Variants in ETV1 observed in about 807,000 individuals in gnomAD.
The protein encoded by ETV1 is ETS translocation variant 1.
A neutral mutation model predicts 62.3 loss-of-function variants in ETV1; 27 were observed. That is an observed-to-expected ratio of 0.43 (90% CI 0.32 to 0.60). The LOEUF is 0.60. ETV1 is among the 20% of genes least tolerant of loss of function. The pLI is 0.06. For missense variants in ETV1, 605 were observed against 605.8 expected, an observed-to-expected ratio of 1.00 and a Z score of 0.01; for synonymous variants, 222 against 199.6, an observed-to-expected ratio of 1.11 and a Z score of -0.94.
At chr7:13,902,665 G>C (rs757367596) in intron 12 of ETV1, among the ~76,000 whole-genome samples, 1 of 152,104 alleles carries the variant, frequency 6.6e-6, no homozygotes, top group African/African-American at 2.4e-5. Flanking sequence ...TGAAAATAAA[G>C]TATTAGTATC....
intron 4 of ETV1, among the ~76,000 whole-genome samples, chr7:13,987,664 T>G (rs1472006368): frequency 6.6e-6 from 1 of 151,936 alleles, no homozygotes; most frequent in African/African-American, 2.4e-5. Flanking sequence ...GTAAAGGAGG[T>G]GGGAAACCAA....
chr7:13,914,866 C>T (rs904121213), intron 9 of ETV1, among the ~76,000 whole-genome samples: 4 of 152,106 alleles, frequency 2.6e-5, no homozygotes, highest in South Asian at 2.1e-4. Context: ...CATCAGGCCA[C>T]GGCAAAGAGA....
chr7:13,964,782 A>C (rs1242061557), intron 6 of ETV1, among the ~76,000 whole-genome samples: 1 of 152,112 alleles, frequency 6.6e-6, no homozygotes, highest in African/African-American at 2.4e-5. Flanking sequence ...AAAATCACTA[A>C]TGAGTGAAAG....
In ETV1 at chr7:13,931,589, T is replaced by C. The variant is rs761207813; in HGVS notation, c.715A>G (p.Asn239Asp). 4.0e-5 allele frequency: 64 copies of C among 1,613,962 alleles called. No homozygotes were observed. The Admixed American group carries it at 4.7e-4, about 12-fold the overall frequency. Residue 239 changes from asparagine (N) to aspartate (D), a missense_variant, in exon 9 of 14, where the codon AAC becomes GAC. Coordinates refer to ENST00000430479, the MANE Select transcript of ETV1 (RefSeq NM_004956.5). ...QEYHDPVYEHNTMVGSAASQS... is the reference protein window; with the variant it reads ...QEYHDPVYEHDTMVGSAASQS... The stretch of plus-strand genomic sequence containing the variant: ...CTGGCCGCACTGCCAACCATGGTGT[T>C]GTGTTCATACACTGGGTCGTGGTAC...
intron 6 of ETV1, among the ~76,000 whole-genome samples, chr7:13,970,578 G>T (rs186079041): frequency 6.6e-6 from 1 of 152,216 alleles, no homozygotes; most frequent in Non-Finnish European, 1.5e-5. Context: ...CTTTCAGTGT[G>T]TGCTCTCATT....
At chr7:13,976,731 C>A (rs764151820) in intron 6 of ETV1, among the ~76,000 whole-genome samples, 1 of 152,142 alleles carries the variant, frequency 6.6e-6, no homozygotes, top group African/African-American at 2.4e-5. Context: ...AAGGCAACCA[C>A]GTTTGTACAG....
At chr7:13,899,966 T>C (rs1412607878) in intron 13 of ETV1, among the ~76,000 whole-genome samples, 1 of 152,126 alleles carries the variant, frequency 6.6e-6, no homozygotes, top group East Asian at 1.9e-4. Context: ...CCATCTCTTC[T>C]AAGAACACAA....
chr7:13,946,192 A>G (rs1788141577), intron 6 of ETV1, among the ~76,000 whole-genome samples: 1 of 152,226 alleles, frequency 6.6e-6, no homozygotes, highest in Admixed American at 6.5e-5. Context: ...ATTTATCTAG[A>G]AAATCTGCAG....
chr7:13,947,886 C>T (rs1436525780), intron 6 of ETV1, among the ~76,000 whole-genome samples: 1 of 152,072 alleles, frequency 6.6e-6, no homozygotes, highest in Non-Finnish European at 1.5e-5. Flanking sequence ...TCATGGAAGT[C>T]CAATTAGAGC....
intron 6 of ETV1, among the ~76,000 whole-genome samples, chr7:13,968,664 T>TA: frequency 6.6e-6 from 1 of 152,052 alleles, no homozygotes; most frequent in Middle Eastern, 3.4e-3. Flanking sequence ...CCCCATGAAT[T>TA]ACGTTTTTTT....
intron 6 of ETV1, among the ~76,000 whole-genome samples, chr7:13,959,815 A>G (rs1008734873): frequency 6.9e-6 from 1 of 145,154 alleles, no homozygotes; most frequent in African/African-American, 2.5e-5. Context: ...CCTGGGAGGC[A>G]GAGGTTACAG....
chr7:13,987,439 C>T (rs1212502214), intron 4 of ETV1, among the ~76,000 whole-genome samples: 1 of 152,138 alleles, frequency 6.6e-6, no homozygotes, highest in Non-Finnish European at 1.5e-5. Context: ...TGAATGTCCT[C>T]ATATGGCTAA....
chr7:13,952,202 A>G (rs371673295), intron 6 of ETV1, among the ~76,000 whole-genome samples: 4 of 152,300 alleles, frequency 2.6e-5, no homozygotes, highest in African/African-American at 7.2e-5. Flanking sequence ...CTGCATAATC[A>G]TGGACTAACT....
intron 5 of ETV1, among the ~76,000 whole-genome samples, chr7:13,978,951 C>T (rs59565101): frequency 6.6e-6 from 1 of 151,996 alleles, no homozygotes. Context: ...TGCACTCTAC[C>T]CCCGCTACCA....
chr7:13,935,615 C>T (rs1375486435), intron 8 of ETV1, 93 bp downstream of exon 8: 25 of 1,073,128 alleles, frequency 2.3e-5, no homozygotes, highest in Non-Finnish European at 3.3e-5. Flanking sequence ...ATAGGCTCAC[C>T]TTAAATCTAC....
chr7:13,907,793 C>T, intron 11 of ETV1: 1 of 468,440 alleles, frequency 2.1e-6, no homozygotes. Flanking sequence ...TAAAACTTAC[C>T]TATGGTCAGT....
At chr7:13,917,675 A>C (rs1281167311) in intron 9 of ETV1, among the ~76,000 whole-genome samples, 1 of 151,444 alleles carries the variant, frequency 6.6e-6, no homozygotes, top group Non-Finnish European at 1.5e-5. Flanking sequence ...GTTTAAAAGA[A>C]AATATGAGGC....
intron 5 of ETV1, among the ~76,000 whole-genome samples, chr7:13,982,750 C>G (rs548935619): frequency 1.6e-4 from 24 of 151,872 alleles, no homozygotes; most frequent in Non-Finnish European, 7.4e-5. Flanking sequence ...GTTTTTAAAG[C>G]CTTTAATCCT....
intron 3 of ETV1, 168 bp downstream of exon 3, chr7:13,988,840 T>C: frequency 1.3e-6 from 2 of 1,596,196 alleles, no homozygotes; most frequent in Non-Finnish European, 1.7e-6. Flanking sequence ...AAAGGTAAGC[T>C]CATTTTGAAG....
Sources: gnomAD v4.1 joint callset for allele counts (sites outside exome capture counted in the v4.1 genomes callset) on GRCh38, gnomAD v4.1.1 for gene constraint, MANE v1.5 for transcripts, NCBI Gene and HGNC (gene_info 2026-07-23, HGNC 2026-07-21) for gene names.